Variants in USP48 observed in about 807,000 individuals in gnomAD.
USP48 encodes ubiquitin specific peptidase 48, also known as ubiquitin carboxyl-terminal hydrolase 48.
Under a neutral mutation model 150.7 loss-of-function variants are expected in USP48, and 43 were observed. The ratio of observed to expected loss-of-function variants is 0.29; its 90% CI spans 0.22 to 0.37. The LOEUF (loss-of-function observed/expected upper bound fraction) is 0.37. Among genes scored for constraint, USP48 ranks in the 10% least tolerant of loss-of-function variants. The pLI, the probability that USP48 is intolerant of heterozygous loss-of-function variation, is 1.00. For missense variants in USP48, 813 were observed against 1,249.6 expected, an observed-to-expected ratio of 0.65 and a Z score of 5.27; for synonymous variants, 396 against 425.9, an observed-to-expected ratio of 0.93 and a Z score of 0.86.
At chr1:21,680,157 A>G (rs2097561858) in intron 26 of USP48, among the ~76,000 whole-genome samples, 1 of 152,224 alleles carries the variant, frequency 6.6e-6, no homozygotes, top group African/African-American at 2.4e-5. Flanking sequence ...CTGGTATGTG[A>G]TTCAAAGTCA....
At chr1:21,692,362 G>A (rs937951778) in intron 23 of USP48, among the ~76,000 whole-genome samples, 2 of 152,072 alleles carry the variant, frequency 1.3e-5, no homozygotes, top group African/African-American at 4.8e-5. Flanking sequence ...CAAATGTTCC[G>A]GAACCATGAA....
chr1:21,728,707 T>C lies in USP48; in HGVS notation c.1313A>G (p.Glu438Gly). The C allele has an allele frequency of 6.2e-7, 1 of 1,613,916 alleles. No homozygotes were observed. The highest frequency in any genetic ancestry group is 8.5e-7 in the Non-Finnish European group (1 of 1,179,960). The change falls in exon 11 of 27, where the codon GAG (glutamate) becomes GGG (glycine). Residue 438 changes from glutamate to glycine, a missense_variant. Glu to Gly is a moderately conservative substitution (Grantham distance 98). Coordinates refer to ENST00000308271, the MANE Select transcript of USP48 (RefSeq NM_032236.8). ...TTTGGAATTATCCCGATCTACCAGC[T>C]CTTGAAGAAAGGCTATTCAAAACAG... Reference protein sequence around the residue: ...TTVQVPAFLQELVDRDNSKFE... With the variant: ...TTVQVPAFLQGLVDRDNSKFE...
At chr1:21,766,501 T>C (rs1348584259) in intron 1 of USP48, among the ~76,000 whole-genome samples, 1 of 152,172 alleles carries the variant, frequency 6.6e-6, no homozygotes, top group Non-Finnish European at 1.5e-5. Flanking sequence ...AGTTCTGTTT[T>C]GGTAGATCTC....
At chr1:21,740,157 C>T (rs1378196863) in intron 8 of USP48, among the ~76,000 whole-genome samples, 5 of 152,176 alleles carry the variant, frequency 3.3e-5, no homozygotes, top group African/African-American at 7.2e-5. Flanking sequence ...GTGATCCACC[C>T]GCCTTGGCCT....
intron 8 of USP48, among the ~76,000 whole-genome samples, chr1:21,744,622 A>C (rs2097789865): frequency 2.7e-5 from 4 of 150,524 alleles, no homozygotes. Flanking sequence ...CTAAAAATAC[A>C]AAAAATTAGC....
chr1:21,739,609 A>T (rs2097776769), intron 8 of USP48, among the ~76,000 whole-genome samples: 1 of 151,950 alleles, frequency 6.6e-6, no homozygotes, highest in African/African-American at 2.4e-5. Flanking sequence ...ACATCATGGA[A>T]TGATTAAATC....
intron 23 of USP48, among the ~76,000 whole-genome samples, chr1:21,691,204 C>T (rs1431682483): frequency 6.6e-6 from 1 of 150,998 alleles, no homozygotes; most frequent in Non-Finnish European, 1.5e-5. Flanking sequence ...ATCTCAGCTA[C>T]TCGGGAGGCT....
At position 21,678,492 on chromosome 1, in the gene USP48, AAG is replaced by A. The variant is rs1220299450; in HGVS notation, c.*923_*924del. On this transcript the variant is annotated 3_prime_UTR_variant, in exon 27 of 27. Transcript: ENST00000308271. ...GGCATTTTGGAATAATGCTTTCAAA[AAG>A]AGAACTGAGGTCCAAGAAACAGTGA... 7 of 152,338 alleles carry A rather than the reference AAG, an allele frequency of 4.6e-5. No homozygotes were observed. The highest frequency in any genetic ancestry group is 1.7e-4 in the African/African-American group (7 of 41,574). The allele number at this position is 152,338 out of a possible 1,614,324, so 9.4% of individuals were successfully genotyped here. A position where few individuals can be genotyped will look rare whatever the true frequency, so the allele number is the denominator to read the frequency against.
chr1:21,733,972 T>C (rs992389930), intron 9 of USP48, among the ~76,000 whole-genome samples: 2 of 152,174 alleles, frequency 1.3e-5, no homozygotes, highest in African/African-American at 4.8e-5. Context: ...ATGTGCTATC[T>C]CAATTTTGTT....
In USP48 at chr1:21,680,709, T is replaced by C; in HGVS notation, c.3085+99A>G. ...ATTAATTTCAGTCATGAGACTCAGATTGGATTAAAATTTAAAATCAAATTA... is the reference window on the plus strand; with the variant it reads ...ATTAATTTCAGTCATGAGACTCAGACTGGATTAAAATTTAAAATCAAATTA... On this transcript the variant is annotated intron_variant, in intron 26 of 26. Coordinates refer to ENST00000308271, the MANE Select transcript of USP48 (RefSeq NM_032236.8). The C allele has an allele frequency of 6.8e-6, 8 of 1,172,836 alleles. No individual in the cohort carries two copies. In the South Asian group the frequency reaches 1.0e-4, roughly 15 times the overall value. 72.7% of individuals were successfully genotyped at this position (1,172,836 alleles called of 1,614,324 possible).
At chr1:21,757,863 T>C (rs2097840795) in intron 1 of USP48, 80 bp from the exon 2 acceptor site, 1 of 1,439,380 alleles carries the variant, frequency 6.9e-7, no homozygotes, top group Non-Finnish European at 9.2e-7. Context: ...TAAAATGAGA[T>C]ACCACTTCTC....
intron 20 of USP48, among the ~76,000 whole-genome samples, chr1:21,703,916 T>A (rs2097664746): frequency 6.6e-6 from 1 of 152,088 alleles, no homozygotes; most frequent in African/African-American, 2.4e-5. Flanking sequence ...AGAGAGAAGG[T>A]CTTGTTATGT....
At chr1:21,694,572 CAAAAAAAA>C (rs1204062748) in intron 23 of USP48, among the ~76,000 whole-genome samples, 139 of 11,918 alleles carry the variant, frequency 0.012, 3 homozygotes, top group Non-Finnish European at 0.014. Flanking sequence ...TCTGTCTCAC[CAAAAAAAA>C]AAAAAAAAAA....
intron 25 of USP48, among the ~76,000 whole-genome samples, chr1:21,685,443 T>A (rs1048967082): frequency 6.6e-6 from 1 of 151,960 alleles, no homozygotes; most frequent in East Asian, 1.9e-4. Context: ...GCCTCCCTAG[T>A]AACTGGGATT....
chr1:21,774,038 G>T (rs914357650), intron 1 of USP48, among the ~76,000 whole-genome samples: 1 of 151,954 alleles, frequency 6.6e-6, no homozygotes, highest in Non-Finnish European at 1.5e-5. Flanking sequence ...AATTAGGTGG[G>T]TATGGTGGCA....
chr1:21,740,268 A>G (rs1233756178), intron 8 of USP48, among the ~76,000 whole-genome samples: 1 of 152,238 alleles, frequency 6.6e-6, no homozygotes, highest in Non-Finnish European at 1.5e-5. Context: ...CTCCAGATTC[A>G]TCCATGTGAT....
chr1:21,719,099 C>G (rs545097836), intron 14 of USP48, among the ~76,000 whole-genome samples: 2 of 150,882 alleles, frequency 1.3e-5, no homozygotes, highest in South Asian at 4.2e-4. Context: ...AACCCCATCT[C>G]CACTAAAATA....
Position 21,721,075 on chromosome 1 carries a change from G to T in USP48, c.1855C>A (p.Gln619Lys). 6.2e-7 allele frequency: 1 copy of T among 1,614,194 alleles called. No homozygotes were observed. Among genetic ancestry groups the T allele is most frequent in the Non-Finnish European group, 8.5e-7 (1 of 1,180,034 alleles). ...QLDEQDGDAEQSNGKMNGSTL... is the reference protein window; with the variant it reads ...QLDEQDGDAEKSNGKMNGSTL... ...CTACCGTTCATCTTTCCGTTGCTTT[G>T]TTCTGCATCACCATCTTGCTCATCC... Residue 619 changes from glutamine (Q) to lysine (K), a missense_variant, in exon 14 of 27, where the codon CAA (glutamine) becomes AAA (lysine). Coordinates refer to ENST00000308271, the MANE Select transcript of USP48 (RefSeq NM_032236.8).
rs185395662 is a variant in USP48, at chr1:21,772,610, G to A, written c.134+10214C>T. Reference sequence around the variant, plus strand: ...TGCACTCCAGCCTGGGTGACACAGCGAGGCTCCATCTCAAAAAAAAAAAAA... The same window carrying A: ...TGCACTCCAGCCTGGGTGACACAGCAAGGCTCCATCTCAAAAAAAAAAAAA... On this transcript the variant is annotated intron_variant, in intron 1 of 26. Transcript: ENST00000308271. Among the ~76,000 whole-genome samples the A allele has an allele frequency of 3.3e-3, 471 of 142,562 alleles. 20 individuals carry two copies. In the East Asian group the frequency reaches 0.089, roughly 27 times the overall value. 93.5% of individuals were successfully genotyped at this position (142,562 alleles called of 152,430 possible).
Sources: gnomAD v4.1 joint callset for allele counts (sites outside exome capture counted in the v4.1 genomes callset) on GRCh38, gnomAD v4.1.1 for gene constraint, MANE v1.5 for transcripts, NCBI Gene and HGNC (gene_info 2026-07-23, HGNC 2026-07-21) for gene names.